The following ABCA9 variants were observed in gnomAD, a reference collection of about 807,000 sequenced individuals.
The protein encoded by ABCA9 is ATP-binding cassette sub-family A member 9.
A neutral mutation model predicts 205.3 loss-of-function variants in ABCA9; 183 were observed. That is an observed-to-expected ratio of 0.89 (90% CI 0.79 to 1.01). The LOEUF is 1.01. Ranked by LOEUF, ABCA9 falls within the 50% of genes least tolerant of loss-of-function variation. The pLI, the probability that ABCA9 is intolerant of heterozygous loss-of-function variation, is 0.00. For missense variants in ABCA9, 1,805 were observed against 1,912.4 expected, an observed-to-expected ratio of 0.94 and a Z score of 1.05; for synonymous variants, 651 against 683.3, an observed-to-expected ratio of 0.95 and a Z score of 0.74.
At chr17:68,994,370 C>G (rs142162893) in intron 26 of ABCA9, among the ~76,000 whole-genome samples, 1 of 152,174 alleles carries the variant, frequency 6.6e-6, no homozygotes, top group African/African-American at 2.4e-5. Flanking sequence ...CTCACATATT[C>G]TTTTCTTTGT....
intron 22 of ABCA9, among the ~76,000 whole-genome samples, 156 bp downstream of exon 22, chr17:69,016,097 T>TGC (rs2070589567): frequency 1.4e-5 from 1 of 72,194 alleles, no homozygotes; most frequent in South Asian, 5.0e-4. Flanking sequence ...TTTATATGTG[T>TGC]GTGTGTATAT....
At chr17:69,049,547 A>C in intron 2 of ABCA9, 57 bp from the exon 3 acceptor site, 1 of 1,369,354 alleles carries the variant, frequency 7.3e-7, no homozygotes, top group East Asian at 2.3e-5. Context: ...CCACAGATCA[A>C]TCATCCACAA....
intron 23 of ABCA9, among the ~76,000 whole-genome samples, chr17:69,010,391 G>C (rs184874925): frequency 3.0e-4 from 45 of 152,152 alleles, no homozygotes; most frequent in African/African-American, 1.0e-3. Flanking sequence ...AGAAGAAATG[G>C]CCAATGTAAA....
chr17:68,980,721 C>T (rs1438746755), intron 37 of ABCA9, among the ~76,000 whole-genome samples: 1 of 135,346 alleles, frequency 7.4e-6, no homozygotes, highest in Non-Finnish European at 1.5e-5. Context: ...CAATGAGAAC[C>T]CATGGACACA....
At chr17:68,992,023 T>C (rs1242098952) in intron 28 of ABCA9, 152 bp downstream of exon 28, 4 of 496,068 alleles carry the variant, frequency 8.1e-6, no homozygotes, top group Non-Finnish European at 1.4e-5. Flanking sequence ...TCAGTATATA[T>C]TCCTATATTA....
chr17:69,021,061 T>A (rs1331965471), intron 18 of ABCA9, among the ~76,000 whole-genome samples: 2 of 151,956 alleles, frequency 1.3e-5, no homozygotes, highest in Non-Finnish European at 2.9e-5. Flanking sequence ...CTAGAGAAAA[T>A]GACTAACTCT....
chr17:69,077,910 A>T, the ABCA9 span, among the ~76,000 whole-genome samples: 1 of 152,078 alleles, frequency 6.6e-6, no homozygotes, highest in Admixed American at 6.5e-5. Flanking sequence ...TATAAAAGAT[A>T]TGTGGAAAAT....
At chr17:68,982,951 A>G (rs2143956465) in intron 36 of ABCA9, among the ~76,000 whole-genome samples, 1 of 152,308 alleles carries the variant, frequency 6.6e-6, no homozygotes, top group Non-Finnish European at 1.5e-5. Flanking sequence ...GGCTGCAGTG[A>G]GCGGTGATTG....
Position 69,026,986 on chromosome 17 carries a change from G to A in ABCA9, c.2040C>T (p.Asp680=), listed in dbSNP as rs1268205500. 3 of 1,613,796 alleles carry A rather than the reference G, an allele frequency of 1.9e-6. No individual in the cohort carries two copies. Among genetic ancestry groups the A allele is most frequent in the African/African-American group, 1.3e-5 (1 of 74,892 alleles). The change falls in exon 15 of 39, where the codon GAC becomes GAT. Residue 680 remains aspartate (D), a synonymous_variant. Coordinates refer to ENST00000340001, the MANE Select transcript of ABCA9 (RefSeq NM_080283.4). The part of the protein sequence containing the change: ...LFSTQFIDEA[D]ILADRKVFIS... ...GAAACAAAAAATTACCCGCCAGAAT[G>A]TCAGCCTCATCTATAAACTGGGTGC...
intron 25 of ABCA9, among the ~76,000 whole-genome samples, chr17:69,005,105 G>A (rs1267077428): frequency 6.6e-6 from 1 of 152,224 alleles, no homozygotes; most frequent in Non-Finnish European, 1.5e-5. Context: ...GCTGGGAGCT[G>A]TAGACCGGAG....
At chr17:69,072,279 C>T in the ABCA9 span, among the ~76,000 whole-genome samples, 1 of 152,036 alleles carries the variant, frequency 6.6e-6, no homozygotes, top group East Asian at 1.9e-4. Context: ...AGAGCAACCC[C>T]AAGACACATA....
intron 22 of ABCA9, among the ~76,000 whole-genome samples, chr17:69,013,864 AAAATTGTAACAGAGAATGCC>A (rs2070478075): frequency 6.6e-6 from 1 of 152,138 alleles, no homozygotes; most frequent in African/African-American, 2.4e-5. Flanking sequence ...ATAGGCTTAC[AAAATTGTAACAGAGAATGCC>A]AGGAGCTGGG....
upstream of ABCA9, among the ~76,000 whole-genome samples, chr17:69,063,796 T>C (rs926644102): frequency 3.9e-5 from 6 of 152,150 alleles, no homozygotes; most frequent in Non-Finnish European, 8.8e-5. Flanking sequence ...ATGGTCTCGA[T>C]CTCCTGACCG....
At chr17:68,978,512 G>C (rs1199679552) in intron 37 of ABCA9, among the ~76,000 whole-genome samples, 2 of 152,062 alleles carry the variant, frequency 1.3e-5, no homozygotes. Context: ...CCTGTCATTA[G>C]GATGTTAGCT....
At chr17:69,054,239 A>C (rs1277392927) in intron 1 of ABCA9, among the ~76,000 whole-genome samples, 1 of 152,172 alleles carries the variant, frequency 6.6e-6, no homozygotes, top group Non-Finnish European at 1.5e-5. Context: ...TTTATATATA[A>C]GCCTGGACAC....
chr17:69,005,865 T>C (rs2144159116), intron 25 of ABCA9, among the ~76,000 whole-genome samples: 1 of 152,334 alleles, frequency 6.6e-6, no homozygotes. Context: ...GCTAAACAAA[T>C]AAGGAGACTT....
At chr17:69,027,940 A>G (rs978038770) in intron 12 of ABCA9, 125 bp from the exon 13 acceptor site, 1 of 763,408 alleles carries the variant, frequency 1.3e-6, no homozygotes. Flanking sequence ...CTTGTAAGGA[A>G]TATGCAATGA....
rs773949616 is a variant in ABCA9, at chr17:69,033,813, A to T, written c.1189T>A (p.Tyr397Asn). Residue 397 changes from tyrosine (Y) to asparagine (N), a missense_variant, in exon 9 of 39, where the codon TAC becomes AAC. Physicochemically the swap from Tyr to Asn is moderately radical, Grantham distance 143. Coordinates refer to ENST00000340001, the MANE Select transcript of ABCA9 (RefSeq NM_080283.4). The part of the protein sequence containing the change: ...NAHLDSSQNP[Y>N]LIIATLFMLV... ...ATGAAAAGAGTAGCTATTATGAGGT[A>T]TGGATTTTGTGAAGAATCCAAGTGG... is the stretch of plus-strand genomic sequence containing the variant. 3.7e-6 allele frequency: 6 copies of T among 1,608,156 alleles called. No individual in the cohort carries two copies. The highest frequency in any genetic ancestry group is 5.1e-6 in the Non-Finnish European group (6 of 1,175,186).
chr17:68,975,841 G>A lies in ABCA9; in HGVS notation c.*74C>T. 9.1e-7 allele frequency: 1 copy of A among 1,100,724 alleles called. No homozygotes were observed. The highest frequency in any genetic ancestry group is 2.6e-5 in the East Asian group (1 of 38,946). The allele number at this position is 1,100,724 out of a possible 1,614,324, so 68.2% of individuals were successfully genotyped here. On this transcript the variant is annotated 3_prime_UTR_variant, in exon 39 of 39. Coordinates refer to ENST00000340001, the MANE Select transcript of ABCA9 (RefSeq NM_080283.4). ...GCATTTTGTACCACCTCTGATATAA[G>A]GCATATTAAGGCTATAAAATATTAT...
Sources: gnomAD v4.1 joint callset for allele counts (sites outside exome capture counted in the v4.1 genomes callset) on GRCh38, gnomAD v4.1.1 for gene constraint, MANE v1.5 for transcripts, NCBI Gene and HGNC (gene_info 2026-07-23, HGNC 2026-07-21) for gene names.